The following ARMC9 variants were observed in gnomAD, a reference collection of about 807,000 sequenced individuals.
ARMC9 encodes armadillo repeat containing 9, also known as lisH domain-containing protein ARMC9.
Under a neutral mutation model 107.0 loss-of-function variants are expected in ARMC9, and 94 were observed. The observed-to-expected ratio is 0.88, with a 90% CI of 0.74 to 1.04. The LOEUF is 1.04. Ranked by LOEUF, ARMC9 falls within the 50% of genes least tolerant of loss-of-function variation. The pLI is 0.00. For synonymous variants in ARMC9, 380 were observed against 396.9 expected, an observed-to-expected ratio of 0.96 and a Z score of 0.51; for missense variants, 942 against 1,030.1, an observed-to-expected ratio of 0.91 and a Z score of 1.17.
At chr2:231,246,857 G>A (rs1424114876) in intron 9 of ARMC9, among the ~76,000 whole-genome samples, 7 of 151,946 alleles carry the variant, frequency 4.6e-5, no homozygotes, top group South Asian at 4.1e-4. Flanking sequence ...TTGCTTTGTC[G>A]CCCAGGCTCA....
At chr2:231,331,259 T>A (rs1200480283) in intron 19 of ARMC9, among the ~76,000 whole-genome samples, 1 of 152,164 alleles carries the variant, frequency 6.6e-6, no homozygotes, top group African/African-American at 2.4e-5. Context: ...CTTTTATAGG[T>A]AGTGTCCAGT....
In ARMC9 at chr2:231,297,663, G is replaced by A. The variant is rs1383044012; in HGVS notation, c.1773+1410G>A. ...AACACAAAAATCATTCTTAGCTGGC[G>A]AGCATAGGAAAGCAGGCACCTGACT... On this transcript the variant is annotated intron_variant, in intron 19 of 24. Coordinates refer to ENST00000611582, the MANE Select transcript of ARMC9 (RefSeq NM_001352754.2). This position sits in a 1 kb window ranked among gnomAD's most constrained non-coding sequence, Gnocchi z 4.2. 2.0e-5 allele frequency among the ~76,000 whole-genome samples: 3 copies of A among 152,112 alleles called. No homozygotes were observed. The highest frequency in any genetic ancestry group is 7.2e-5 in the African/African-American group (3 of 41,400).
intron 10 of ARMC9, among the ~76,000 whole-genome samples, chr2:231,257,223 T>C (rs1054806412): frequency 1.3e-5 from 2 of 152,256 alleles, no homozygotes; most frequent in African/African-American, 4.8e-5. Flanking sequence ...GCTATCATAG[T>C]GCAATCCACA....
intron 20 of ARMC9, among the ~76,000 whole-genome samples, chr2:231,338,086 A>G (rs952806310): frequency 6.6e-6 from 1 of 152,196 alleles, no homozygotes; most frequent in African/African-American, 2.4e-5. Context: ...CCAGAAGGGC[A>G]GATTTAGGCT....
intron 9 of ARMC9, among the ~76,000 whole-genome samples, chr2:231,241,858 C>G (rs1006503617): frequency 1.3e-5 from 2 of 152,042 alleles, no homozygotes; most frequent in Non-Finnish European, 2.9e-5. Flanking sequence ...AGACTGGGCT[C>G]TGAGCTTTCC....
At chr2:231,341,959 G>C (rs1267502043) in intron 20 of ARMC9, among the ~76,000 whole-genome samples, 1 of 152,214 alleles carries the variant, frequency 6.6e-6, no homozygotes, top group Non-Finnish European at 1.5e-5. Flanking sequence ...AGGTGGATGT[G>C]AGGAGCCCTT....
At chr2:231,359,082 G>GTTTTTTT (rs555726953) in intron 22 of ARMC9, among the ~76,000 whole-genome samples, 6 of 117,864 alleles carry the variant, frequency 5.1e-5, no homozygotes, top group African/African-American at 1.8e-4. Flanking sequence ...GGGGTCTCCT[G>GTTTTTTT]TTTTTTTTTT....
At chr2:231,266,203 G>A (rs1263044643) in intron 12 of ARMC9, among the ~76,000 whole-genome samples, 5 of 152,100 alleles carry the variant, frequency 3.3e-5, no homozygotes, top group African/African-American at 1.2e-4. Flanking sequence ...TTATCTCCTG[G>A]AGGTCTCATT....
At chr2:231,266,013 AG>A (rs2038830194) in intron 12 of ARMC9, among the ~76,000 whole-genome samples, 1 of 151,452 alleles carries the variant, frequency 6.6e-6, no homozygotes, top group Admixed American at 6.6e-5. Flanking sequence ...AAAAAAAAAA[AG>A]AAGAAATGAG....
At position 231,328,814 on chromosome 2, in the gene ARMC9, C is replaced by CTTTTTTTTTTTTTTTTTTTTTTTTTTTT. The variant is rs1341987081; in HGVS notation, c.1774-2975_1774-2974insTTTTTTTTTTTTTTTTTTTTTTTTTTTT. Among the ~76,000 whole-genome samples the CTTTTTTTTTTTTTTTTTTTTTTTTTTTT allele has an allele frequency of 5.8e-3, 739 of 127,184 alleles. 143 individuals carry two copies. Among genetic ancestry groups the CTTTTTTTTTTTTTTTTTTTTTTTTTTTT allele is most frequent in the Middle Eastern group, 9.3e-3 (2 of 214 alleles). The allele number at this position is 127,184 out of a possible 152,430, so 83.4% of individuals were successfully genotyped here. A position where few individuals can be genotyped will look rare whatever the true frequency, so the allele number is the denominator to read the frequency against. ...AGCGTGTTCAATTTTCTTTTCTTTT[C>CTTTTTTTTTTTTTTTTTTTTTTTTTTTT]TTTTCTTTTTTTTTTTTTGAGTCGG... On this transcript the variant is annotated intron_variant, in intron 19 of 24. Coordinates refer to ENST00000611582, the MANE Select transcript of ARMC9 (RefSeq NM_001352754.2).
At chr2:231,299,394 C>G (rs1393061102) in intron 19 of ARMC9, among the ~76,000 whole-genome samples, 1 of 151,996 alleles carries the variant, frequency 6.6e-6, no homozygotes, top group Non-Finnish European at 1.5e-5. Context: ...TTATAAACTG[C>G]AAGGGGGGAA....
intron 21 of ARMC9, among the ~76,000 whole-genome samples, chr2:231,351,589 T>C (rs1016864052): frequency 1.3e-5 from 2 of 152,276 alleles, no homozygotes. Flanking sequence ...TTTTAGCAAA[T>C]GAGAAACCTT....
intron 20 of ARMC9, among the ~76,000 whole-genome samples, chr2:231,335,462 C>G (rs78746822): frequency 0.011 from 1,734 of 152,296 alleles, 46 homozygotes; most frequent in African/African-American, 0.04. Flanking sequence ...CTGTTCCCTG[C>G]AGGGCCACAC....
intron 20 of ARMC9, among the ~76,000 whole-genome samples, chr2:231,344,375 T>C (rs2044693887): frequency 1.3e-5 from 2 of 152,250 alleles, no homozygotes; most frequent in Non-Finnish European, 2.9e-5. Context: ...TAGTTTCTAA[T>C]TTCTAGTAAA....
At chr2:231,356,819 C>G (rs1434967362) in intron 22 of ARMC9, among the ~76,000 whole-genome samples, 1 of 152,116 alleles carries the variant, frequency 6.6e-6, no homozygotes, top group Non-Finnish European at 1.5e-5. Context: ...GTAATTTATC[C>G]AGAGATTTCT....
At chr2:231,364,514 A>G (rs934301391) in intron 23 of ARMC9, among the ~76,000 whole-genome samples, 2 of 152,192 alleles carry the variant, frequency 1.3e-5, no homozygotes, top group Admixed American at 6.5e-5. Context: ...GCATCCAGCT[A>G]AAGAAACAAC....
chr2:231,366,056 CAGAG>C (rs1398518692), intron 23 of ARMC9, among the ~76,000 whole-genome samples: 1 of 152,166 alleles, frequency 6.6e-6, no homozygotes, highest in African/African-American at 2.4e-5. Context: ...TCCAGGGAAA[CAGAG>C]AGGCTGATTT....
intron 9 of ARMC9, among the ~76,000 whole-genome samples, chr2:231,253,192 G>T (rs879264073): frequency 6.6e-6 from 1 of 151,500 alleles, no homozygotes; most frequent in Non-Finnish European, 1.5e-5. Flanking sequence ...TGGTGTGATC[G>T]CAGCTCAGTC....
intron 9 of ARMC9, among the ~76,000 whole-genome samples, chr2:231,252,983 C>T (rs1265849881): frequency 6.6e-6 from 1 of 152,020 alleles, no homozygotes; most frequent in Non-Finnish European, 1.5e-5. Context: ...TTTCTAAACT[C>T]ACTATTTAAG....
Sources: allele counts gnomAD v4.1 joint callset (sites outside exome capture counted in the v4.1 genomes callset), GRCh38; gene constraint gnomAD v4.1.1; non-coding constraint Gnocchi (gnomAD v3.1); transcripts MANE v1.5; gene names NCBI Gene and HGNC (gene_info 2026-07-23, HGNC 2026-07-21).